Variants in SNRNP70 observed in about 807,000 individuals in gnomAD.
SNRNP70 encodes small nuclear ribonucleoprotein U1 subunit 70, also known as U1 small nuclear ribonucleoprotein 70 kDa.
SNRNP70 carries 8 observed loss-of-function variants against 50.5 expected under a neutral mutation model. The observed-to-expected ratio is 0.16, with a 90% CI of 0.09 to 0.29. The LOEUF is 0.29. Among genes scored for constraint, SNRNP70 ranks in the 10% least tolerant of loss-of-function variants. The probability of loss-of-function intolerance (pLI) is 1.00; values close to 1 mark genes in which losing one functional copy is unlikely to be tolerated. For missense variants in SNRNP70, 529 were observed against 663.5 expected (o/e 0.80, Z 2.23); for synonymous variants, 320 against 252.9 (o/e 1.27, Z -2.52).
At chr19:49,101,341 C>T (rs758261274) in intron 6 of SNRNP70, 49 bp from the exon 7 acceptor site, 24 of 1,465,488 alleles carry the variant, frequency 1.6e-5, no homozygotes, top group African/African-American at 5.6e-5. Context: ...GTTGGTGGGG[C>T]GGAGCCGCCC....
intron 4 of SNRNP70, among the ~76,000 whole-genome samples, chr19:49,097,600 A>G (rs187778597): frequency 6.0e-4 from 92 of 152,300 alleles, no homozygotes; most frequent in South Asian, 2.5e-3. Context: ...GGGAAACACT[A>G]TACCATGGAA....
intron 6 of SNRNP70, among the ~76,000 whole-genome samples, chr19:49,100,573 G>C (rs3795054): frequency 6.6e-6 from 1 of 152,022 alleles, no homozygotes; most frequent in South Asian, 2.1e-4. Context: ...TTGGGAGGCC[G>C]AGAAGGGCAG....
At chr19:49,095,538 T>A (rs1239283699) in intron 4 of SNRNP70, among the ~76,000 whole-genome samples, 1 of 147,060 alleles carries the variant, frequency 6.8e-6, no homozygotes, top group Non-Finnish European at 1.5e-5. Flanking sequence ...GTAGACACCT[T>A]TTTTTTTTTT....
rs533764190 is a variant in SNRNP70 at position 49,105,776 on chromosome 19, T to C, written c.577+1041T>C. Among the ~76,000 whole-genome samples the C allele has an allele frequency of 6.1e-4, 93 of 151,872 alleles. No homozygotes were observed. The South Asian group carries it at 0.018, about 30-fold the overall frequency. On this transcript the variant is annotated intron_variant, in intron 8 of 9. Coordinates refer to ENST00000598441, the MANE Select transcript of SNRNP70 (RefSeq NM_003089.6). ...AAAAACTGGGGCGACCCACCTGTGA[T>C]GTGTGACAGCCCACAGCTTGCTTCT...
At chr19:49,103,346 CAGG>C (rs1240208592) in intron 7 of SNRNP70, 2 of 152,634 alleles carry the variant, frequency 1.3e-5, no homozygotes, top group Non-Finnish European at 2.9e-5. Flanking sequence ...CCAGGTGGTA[CAGG>C]AGATGTGGTT....
intron 4 of SNRNP70, among the ~76,000 whole-genome samples, chr19:49,094,053 C>T (rs1223946612): frequency 2.0e-5 from 3 of 151,720 alleles, no homozygotes; most frequent in Admixed American, 1.3e-4. Flanking sequence ...TCCAATTGGG[C>T]GAACAAAAAA....
rs932003848 is a variant in SNRNP70 at position 49,108,123 on chromosome 19, C to G, written c.994C>G (p.Pro332Ala). 3.2e-6 allele frequency: 5 copies of G among 1,547,988 alleles called. No individual in the cohort carries two copies. The highest frequency in any genetic ancestry group is 2.1e-5 in the Admixed American group (1 of 48,594). Residue 332 changes from proline to alanine, a missense_variant, in exon 10 of 10, where the codon CCA (proline) becomes GCA (alanine). Physicochemically the swap from Pro to Ala is conservative, Grantham distance 27 (BLOSUM62 -1). Transcript: ENST00000598441. ...TGACGCGCCCCCTGATGATGGGCCT[C>G]CAGGGGAGCTCGGGCCTGACGGCCC... ...AGDAPPDDGP[P>A]GELGPDGPDG...
chr19:49,106,148 C>T (rs567847252), intron 8 of SNRNP70, among the ~76,000 whole-genome samples: 266 of 152,226 alleles, frequency 1.7e-3, no homozygotes, highest in Non-Finnish European at 2.6e-3. Context: ...TGCTGAGCCT[C>T]GGAGCTTACC....
Position 49,098,432 on chromosome 19 carries a change from C to A in SNRNP70, c.271C>A (p.Pro91Thr). The change falls in exon 5 of 10, where the codon CCT becomes ACT. Residue 91 changes from proline to threonine, a missense_variant. By Grantham distance (38) the Pro-to-Thr change is conservative. Transcript: ENST00000598441. ...EVETELKMWD[P>T]HNDPNAQGDA... ...ATTCCTTTCTTCCTGCACAGGGGAC[C>A]CTCACAATGATCCCAATGCTCAGGG... 1 of 1,612,920 alleles carries A rather than the reference C, an allele frequency of 6.2e-7. No individual in the cohort carries two copies. The highest frequency in any genetic ancestry group is 8.5e-7 in the Non-Finnish European group (1 of 1,179,344).
At chr19:49,089,316 CG>C (rs1403422872) in intron 2 of SNRNP70, among the ~76,000 whole-genome samples, 1 of 152,000 alleles carries the variant, frequency 6.6e-6, no homozygotes, top group Non-Finnish European at 1.5e-5. Context: ...GCAGGAGAAC[CG>C]CTTGAACGAT....
rs547377332 is a variant in SNRNP70 at position 49,108,372 on chromosome 19, A to G, written c.1243A>G (p.Met415Val). The G allele has an allele frequency of 8.7e-6, 14 of 1,611,394 alleles. No individual in the cohort carries two copies. The East Asian group carries it at 2.9e-4, about 33-fold the overall frequency. ...GGGCAACGACAGCCGAGACATGTAC[A>G]TGGAGTCTGAGGGCGGCGACGGCTA... is the stretch of plus-strand genomic sequence containing the variant. Reference protein sequence around the residue: ...GLGNDSRDMYMESEGGDGYLA... With the variant: ...GLGNDSRDMYVESEGGDGYLA... The change falls in exon 10 of 10, where the codon ATG becomes GTG. Residue 415 changes from methionine (M) to valine (V), a missense_variant. This residue lies in a region of SNRNP70 where 327 missense variants were observed against 308.8 expected (regional missense o/e 1.06). Coordinates refer to ENST00000598441, the MANE Select transcript of SNRNP70 (RefSeq NM_003089.6).
intron 8 of SNRNP70, among the ~76,000 whole-genome samples, chr19:49,105,993 C>T (rs1362236659): frequency 6.6e-6 from 1 of 152,176 alleles, no homozygotes; most frequent in Non-Finnish European, 1.5e-5. Flanking sequence ...CTGAATCCTG[C>T]AAAGCTGAGT....
chr19:49,108,267 C>CG lies in SNRNP70; in HGVS notation c.1144dup (p.Glu382GlyfsTer5). On this transcript the variant is annotated frameshift_variant, in exon 10 of 10. Transcript: ENST00000598441. LOFTEE classifies it high-confidence loss of function. ...CCGTGACCGTGACCGCGAGCACAAA[C>CG]GGGGGGAGCGGGGCAGTGAGCGGGG... is the stretch of plus-strand genomic sequence containing the variant. 1 of 1,553,810 alleles carries CG rather than the reference C, an allele frequency of 6.4e-7. No individual in the cohort carries two copies.
rs780237357 is a variant in SNRNP70 at position 49,090,527 on chromosome 19, C to A, written c.265+7C>A. On this transcript the variant is annotated splice_region_variant and intron_variant, in intron 4 of 9. Transcript: ENST00000598441. ...GAGACAGAGCTTAAAATGTGTAAGTCTCTCATCCACCATTTGGCTCTCTCC... is the reference window on the plus strand; with the variant it reads ...GAGACAGAGCTTAAAATGTGTAAGTATCTCATCCACCATTTGGCTCTCTCC... 1.2e-6 allele frequency: 2 copies of A among 1,613,718 alleles called. No individual in the cohort carries two copies. The highest frequency in any genetic ancestry group is 2.2e-5 in the South Asian group (2 of 91,084).
chr19:49,086,592 T>G lies in SNRNP70; in HGVS notation c.147+31T>G, dbSNP rs1413731050. 2.5e-6 allele frequency: 4 copies of G among 1,609,228 alleles called. No homozygotes were observed. The Admixed American group carries it at 6.7e-5, about 27-fold the overall frequency. On this transcript the variant is annotated intron_variant, in intron 2 of 9. Transcript: ENST00000598441. ...TTCACTGAGCAGGCCAGGAATGGTT[T>G]GGGTTCTGGGGAGCAACGGGTTGGA...
chr19:49,101,173 C>T (rs1032700572), intron 6 of SNRNP70, among the ~76,000 whole-genome samples: 19 of 152,230 alleles, frequency 1.2e-4, no homozygotes, highest in African/African-American at 3.9e-4. Context: ...CATCTCTCTT[C>T]TTTCTTTAGG....
intron 6 of SNRNP70, among the ~76,000 whole-genome samples, chr19:49,100,771 A>G (rs970375995): frequency 7.0e-6 from 1 of 143,200 alleles, no homozygotes; most frequent in African/African-American, 2.6e-5. Context: ...GAGCCATTGC[A>G]CTCTAGCCTG....
chr19:49,106,787 TTCA>T (rs1239484599), intron 8 of SNRNP70, among the ~76,000 whole-genome samples: 1 of 152,166 alleles, frequency 6.6e-6, no homozygotes. Context: ...CTTGGGGCTG[TTCA>T]TCTATCTATT....
Position 49,086,423 on chromosome 19 carries a change from G to A in SNRNP70, c.9G>A (p.Gln3=), listed in dbSNP as rs753331379. 5 of 1,612,800 alleles carry A rather than the reference G, an allele frequency of 3.1e-6. No homozygotes were observed. The South Asian group carries it at 4.4e-5, about 14-fold the overall frequency. The change falls in exon 2 of 10, where the codon CAG becomes CAA. Residue 3 remains glutamine, a synonymous_variant. Transcript: ENST00000598441. MT[Q]FLPPNLLALF... ...CTCTCAGACTTGGCAAGATGACCCA[G>A]TTCCTGCCGCCCAACCTTCTGGCCC... is the stretch of plus-strand genomic sequence containing the variant.
Sources: allele counts gnomAD v4.1 joint callset (sites outside exome capture counted in the v4.1 genomes callset), GRCh38; gene constraint gnomAD v4.1.1; regional missense constraint gnomAD v4.1.1; transcripts MANE v1.5; gene names NCBI Gene and HGNC (gene_info 2026-07-23, HGNC 2026-07-21).